STRN: variants seen among roughly 807,000 people sequenced by gnomAD.
STRN encodes the protein striatin, also known as protein phosphatase 2 regulatory subunit B'''alpha.
A neutral mutation model predicts 96.3 loss-of-function variants in STRN; 53 were observed. That is an observed-to-expected ratio of 0.55 (90% CI 0.44 to 0.69). The LOEUF is 0.69. Ranked by LOEUF, STRN falls within the 30% of genes least tolerant of loss-of-function variation. The pLI, the probability that STRN is intolerant of heterozygous loss-of-function variation, is 0.00. For missense variants in STRN, 987 were observed against 963.9 expected, an observed-to-expected ratio of 1.02 and a Z score of -0.32; for synonymous variants, 428 against 355.9, an observed-to-expected ratio of 1.20 and a Z score of -2.28.
chr2:36,960,390 G>A (rs192911940), intron 1 of STRN, among the ~76,000 whole-genome samples: 21 of 152,262 alleles, frequency 1.4e-4, no homozygotes, highest in Admixed American at 2.6e-4. Flanking sequence ...GTCAGACCCA[G>A]AATATTACAC....
At chr2:36,879,665 T>C (rs951259473) in intron 9 of STRN, among the ~76,000 whole-genome samples, 1 of 152,206 alleles carries the variant, frequency 6.6e-6, no homozygotes, top group African/African-American at 2.4e-5. Flanking sequence ...TGGTTACATA[T>C]GACAAACATT....
In STRN at chr2:36,869,697, T is replaced by G. The variant is rs1171948787; in HGVS notation, c.1356A>C (p.Thr452=). 3.1e-6 allele frequency: 5 copies of G among 1,608,554 alleles called. No individual in the cohort carries two copies. Among genetic ancestry groups the G allele is most frequent in the Admixed American group, 1.7e-5 (1 of 58,782 alleles). The change falls in exon 11 of 18, where the codon ACA becomes ACC. Residue 452 remains threonine (T), a synonymous_variant. Transcript: ENST00000263918. The part of the protein sequence containing the change: ...IANNKDALRK[T]WNPKFTLRSH... ...TTCTCAATGTAAACTTAGGGTTCCA[T>G]GTCTTCCTCAATGCATCTTTATTGT...
intron 4 of STRN, among the ~76,000 whole-genome samples, chr2:36,904,469 G>T (rs759145543): frequency 2.0e-5 from 3 of 152,122 alleles, no homozygotes; most frequent in Non-Finnish European, 4.4e-5. Flanking sequence ...TCTACCTCTT[G>T]ATATCAGAAC....
At chr2:36,935,772 G>A (rs1670686016) in intron 1 of STRN, among the ~76,000 whole-genome samples, 1 of 152,070 alleles carries the variant, frequency 6.6e-6, no homozygotes, top group African/African-American at 2.4e-5. Context: ...TGATTTAAAA[G>A]ATAAAAGTTC....
At chr2:36,908,795 G>A (rs1304328815) in intron 3 of STRN, among the ~76,000 whole-genome samples, 1 of 152,074 alleles carries the variant, frequency 6.6e-6, no homozygotes, top group African/African-American at 2.4e-5. Context: ...CCAATATGGT[G>A]AAACTTCATC....
intron 12 of STRN, among the ~76,000 whole-genome samples, chr2:36,862,010 T>A (rs1169864315): frequency 6.6e-6 from 1 of 152,156 alleles, no homozygotes; most frequent in African/African-American, 2.4e-5. Flanking sequence ...CACTTATAAG[T>A]GAGAACATGC....
At chr2:36,952,909 T>A (rs1664796504) in intron 1 of STRN, among the ~76,000 whole-genome samples, 1 of 152,222 alleles carries the variant, frequency 6.6e-6, no homozygotes, top group African/African-American at 2.4e-5. Context: ...TTAAGCTCTT[T>A]TGCTCAATGG....
chr2:36,865,433 A>G (rs1377242249), intron 12 of STRN, among the ~76,000 whole-genome samples: 1 of 152,034 alleles, frequency 6.6e-6, no homozygotes, highest in Non-Finnish European at 1.5e-5. Context: ...TCTGGTTTCA[A>G]TGATATTTTA....
In STRN at chr2:36,885,062, A is replaced by T. The variant is rs529543855; in HGVS notation, c.1043-987T>A. Among the ~76,000 whole-genome samples the T allele has an allele frequency of 2.2e-3, 336 of 152,266 alleles. 2 individuals carry two copies. The highest frequency in any genetic ancestry group is 3.4e-3 in the Middle Eastern group (1 of 294). ...CATTTTTCTTCACCATACTAAAAAA[A>T]AACCATGTGCTAGATGTCTGAACAC... On this transcript the variant is annotated intron_variant, in intron 8 of 17. Coordinates refer to ENST00000263918, the MANE Select transcript of STRN (RefSeq NM_003162.4).
intron 1 of STRN, among the ~76,000 whole-genome samples, chr2:36,954,085 C>T (rs1184228308): frequency 6.6e-6 from 1 of 151,862 alleles, no homozygotes; most frequent in Non-Finnish European, 1.5e-5. Context: ...TAAAAATAAC[C>T]TAAAAATCAA....
intron 1 of STRN, among the ~76,000 whole-genome samples, chr2:36,961,086 TG>T (rs1665018722): frequency 1.4e-5 from 2 of 146,486 alleles, no homozygotes; most frequent in East Asian, 3.9e-4. Context: ...TTTGTAGAGA[TG>T]GGGCTTCACC....
chr2:36,851,997 C>A (rs1281100430), intron 15 of STRN, among the ~76,000 whole-genome samples: 1 of 152,172 alleles, frequency 6.6e-6, no homozygotes, highest in Non-Finnish European at 1.5e-5. Flanking sequence ...ATGAGACAGG[C>A]AAGCACATAT....
In STRN at chr2:36,845,729, A is replaced by C. The variant is rs1318437213; in HGVS notation, c.*3727T>G. The C allele has an allele frequency of 6.6e-6, 1 of 152,098 alleles. No homozygotes were observed. Among genetic ancestry groups the C allele is most frequent in the East Asian group, 1.9e-4 (1 of 5,194 alleles). The allele number at this position is 152,098 out of a possible 1,614,324, so 9.4% of individuals were successfully genotyped here. The stretch of plus-strand genomic sequence containing the variant: ...AGAATAGCTATTGTTTTCTCTACTG[A>C]AATTTCTAGGAATTCACATTCAAAA... On this transcript the variant is annotated 3_prime_UTR_variant, in exon 18 of 18. Coordinates refer to ENST00000263918, the MANE Select transcript of STRN (RefSeq NM_003162.4).
intron 3 of STRN, among the ~76,000 whole-genome samples, chr2:36,910,966 G>A (rs1172291637): frequency 6.6e-6 from 1 of 152,058 alleles, no homozygotes; most frequent in Non-Finnish European, 1.5e-5. Context: ...GCAAATTTTT[G>A]TGAAAAATGT....
At chr2:36,877,648 G>A (rs1212794391) in intron 10 of STRN, among the ~76,000 whole-genome samples, 1 of 151,316 alleles carries the variant, frequency 6.6e-6, no homozygotes, top group African/African-American at 2.5e-5. Flanking sequence ...CAATTCTCCT[G>A]CCATAGCCCC....
chr2:36,875,505 CAAAAA>C (rs70946953), intron 10 of STRN, among the ~76,000 whole-genome samples: 18 of 50,978 alleles, frequency 3.5e-4, no homozygotes, highest in African/African-American at 1.6e-3. Context: ...GACTCTGCCT[CAAAAA>C]AAAAAAAAAA....
At chr2:36,851,299 A>G (rs1204417642) in intron 15 of STRN, among the ~76,000 whole-genome samples, 192 bp from the exon 16 acceptor site, 2 of 151,848 alleles carry the variant, frequency 1.3e-5, no homozygotes, top group Non-Finnish European at 2.9e-5. Context: ...CCTGGCCAAC[A>G]TGGTGAAACC....
rs1053056429 is a variant in STRN at position 36,966,335 on chromosome 2, G to A, written c.129C>T (p.Ala43=). 2.0e-6 allele frequency: 3 copies of A among 1,476,544 alleles called. No homozygotes were observed. Among genetic ancestry groups the A allele is most frequent in the Non-Finnish European group, 2.7e-6 (3 of 1,114,858 alleles). 91.5% of individuals were successfully genotyped at this position (1,476,544 alleles called of 1,614,324 possible). A position where few individuals can be genotyped will look rare whatever the true frequency, so the allele number is the denominator to read the frequency against. Residue 43 remains alanine, a synonymous_variant, in exon 1 of 18, where the codon GCC becomes GCT. Transcript: ENST00000263918. Reference sequence around the variant, plus strand: ...TCCCCGGGAGACTGTACTGGGCTCGGGCCGCCCCCGCCGCAGCCGCCCCGT... The same window carrying A: ...TCCCCGGGAGACTGTACTGGGCTCGAGCCGCCCCCGCCGCAGCCGCCCCGT... ...AGDGAAAAGA[A]RAQYSLPGIL...
At chr2:36,867,679 T>C (rs111767241) in intron 12 of STRN, 135 bp downstream of exon 12, 15 of 496,390 alleles carry the variant, frequency 3.0e-5, no homozygotes, top group African/African-American at 2.0e-4. Context: ...CATTATATTA[T>C]CTGTCAAATT....
Sources: gnomAD v4.1 joint callset for allele counts (sites outside exome capture counted in the v4.1 genomes callset) on GRCh38, gnomAD v4.1.1 for gene constraint, MANE v1.5 for transcripts, NCBI Gene and HGNC (gene_info 2026-07-23, HGNC 2026-07-21) for gene names.